COL22A1: variants seen among roughly 807,000 people sequenced by gnomAD.
COL22A1 encodes collagen alpha-1(XXII) chain.
In COL22A1, 221 loss-of-function variants were observed where a neutral mutation model predicts 248.9. The ratio of observed to expected loss-of-function variants is 0.89; its 90% CI spans 0.80 to 0.99. The LOEUF (loss-of-function observed/expected upper bound fraction) is 0.99, where lower values mean the gene tolerates loss of function less well. Among genes scored for constraint, COL22A1 ranks in the 50% least tolerant of loss-of-function variants. The pLI is 0.00. For missense variants in COL22A1, 2,240 were observed against 2,179.0 expected (o/e 1.03, Z -0.56); for synonymous variants, 891 against 793.4 (o/e 1.12, Z -2.07).
rs1816818512 is a variant in COL22A1 at position 138,589,097 on chromosome 8, G to C, written c.*156C>G. On this transcript the variant is annotated 3_prime_UTR_variant, in exon 65 of 65. Transcript: ENST00000303045. The stretch of plus-strand genomic sequence containing the variant: ...AGCGTCTGTTGGATTTAATAATTTT[G>C]AGGTCTCTCAAGAAAATAAAACAAA... The C allele has an allele frequency of 4.6e-6, 3 of 654,946 alleles. No homozygotes were observed. In the South Asian group the frequency reaches 5.6e-5, roughly 12 times the overall value. 40.6% of individuals were successfully genotyped at this position (654,946 alleles called of 1,614,324 possible). A position where few individuals can be genotyped will look rare whatever the true frequency, so the allele number is the denominator to read the frequency against.
intron 12 of COL22A1, among the ~76,000 whole-genome samples, chr8:138,786,200 G>A (rs1440753997): frequency 2.0e-5 from 3 of 152,214 alleles, no homozygotes; most frequent in Admixed American, 6.5e-5. Flanking sequence ...TGAGGTAGTA[G>A]AAGAAAGTCC....
At chr8:138,695,924 A>T (rs559037100) in intron 32 of COL22A1, among the ~76,000 whole-genome samples, 28 of 152,240 alleles carry the variant, frequency 1.8e-4, no homozygotes, top group African/African-American at 6.7e-4. Context: ...GTGTGGACAC[A>T]GTCTCAGCTT....
intron 41 of COL22A1, among the ~76,000 whole-genome samples, chr8:138,664,800 G>A (rs1468620896): frequency 2.6e-5 from 4 of 152,136 alleles, no homozygotes; most frequent in South Asian, 4.1e-4. Flanking sequence ...TTTAAAGCAC[G>A]AGGAGAACTT....
intron 30 of COL22A1, among the ~76,000 whole-genome samples, chr8:138,709,816 A>G (rs1205716741): frequency 1.3e-5 from 2 of 152,198 alleles, no homozygotes; most frequent in African/African-American, 2.4e-5. Flanking sequence ...TTTCTTATCC[A>G]TCTTCCTGTT....
intron 3 of COL22A1, among the ~76,000 whole-genome samples, chr8:138,871,470 C>A (rs1823339974): frequency 6.6e-6 from 1 of 152,314 alleles, no homozygotes; most frequent in Non-Finnish European, 1.5e-5. Flanking sequence ...ATCAAGGCAA[C>A]TTTTCTCTCC....
At chr8:138,760,373 C>CCTG (rs1833375549) in intron 17 of COL22A1, 86 bp from the exon 18 acceptor site, 2 of 1,269,940 alleles carry the variant, frequency 1.6e-6, no homozygotes, top group Non-Finnish European at 2.2e-6. Flanking sequence ...TGAAAGACAG[C>CCTG]TGCCCACTGT....
At chr8:138,734,298 A>G (rs1439013231) in intron 23 of COL22A1, among the ~76,000 whole-genome samples, 1 of 152,218 alleles carries the variant, frequency 6.6e-6, no homozygotes, top group Non-Finnish European at 1.5e-5. Flanking sequence ...TGGCCCATTA[A>G]TGTACGAATT....
intron 4 of COL22A1, among the ~76,000 whole-genome samples, chr8:138,838,942 G>A (rs1166062982): frequency 6.6e-6 from 1 of 152,100 alleles, no homozygotes; most frequent in Non-Finnish European, 1.5e-5. Context: ...AGCAAAGGTC[G>A]ACCTGGATGG....
intron 2 of COL22A1, 44 bp from the exon 3 acceptor site, chr8:138,878,360 G>A: frequency 2.1e-6 from 3 of 1,436,152 alleles, no homozygotes; most frequent in African/African-American, 1.4e-5. Flanking sequence ...AATGGGCATG[G>A]AAAGGACACT....
chr8:138,855,963 CTT>C (rs1481579044), intron 3 of COL22A1, among the ~76,000 whole-genome samples: 2 of 152,182 alleles, frequency 1.3e-5, no homozygotes, highest in East Asian at 3.9e-4. Context: ...CTCAGGCTGA[CTT>C]TGATTCTTCT....
chr8:138,607,950 G>A lies in COL22A1; in HGVS notation c.4018C>T (p.Pro1340Ser). The change falls in exon 57 of 65, where the codon CCT (proline) becomes TCT (serine). Residue 1340 changes from proline (P) to serine (S), a missense_variant. Transcript: ENST00000303045. The part of the protein sequence containing the change: ...GSPGSPGEPG[P>S]SGTPGQKGSK... ...AGAGAACTCACAGGGGTTCCTGAAG[G>A]GCCAGGCTCTCCTGGAGATCCCGGT... 6.2e-7 allele frequency: 1 copy of A among 1,614,018 alleles called. No homozygotes were observed. Among genetic ancestry groups the A allele is most frequent in the Non-Finnish European group, 8.5e-7 (1 of 1,179,948 alleles).
intron 37 of COL22A1, among the ~76,000 whole-genome samples, chr8:138,686,409 C>A (rs1464665953): frequency 2.0e-5 from 3 of 152,206 alleles, no homozygotes; most frequent in Non-Finnish European, 2.9e-5. Context: ...TGGGTGGAAG[C>A]TGCAATCACA....
intron 40 of COL22A1, among the ~76,000 whole-genome samples, chr8:138,677,353 C>G (rs150603470): frequency 2.0e-5 from 3 of 152,298 alleles, no homozygotes; most frequent in African/African-American, 7.2e-5. Context: ...TGGCACAGAG[C>G]CCAGCACAGC....
At chr8:138,779,824 C>T (rs1256062157) in intron 13 of COL22A1, among the ~76,000 whole-genome samples, 1 of 152,146 alleles carries the variant, frequency 6.6e-6, no homozygotes, top group African/African-American at 2.4e-5. Flanking sequence ...TGCAATGGCA[C>T]GATCATAGCT....
chr8:138,749,672 C>T (rs556744433), intron 22 of COL22A1, among the ~76,000 whole-genome samples: 28 of 152,254 alleles, frequency 1.8e-4, no homozygotes, highest in Non-Finnish European at 2.8e-4. Context: ...AGAAGTAAAC[C>T]GGCCTGGAGA....
chr8:138,687,223 C>T (rs998528787), intron 37 of COL22A1, among the ~76,000 whole-genome samples: 3 of 152,222 alleles, frequency 2.0e-5, no homozygotes, highest in Non-Finnish European at 4.4e-5. Flanking sequence ...TCCGAAAGTA[C>T]TGGGATTACA....
At chr8:138,619,659 T>A in intron 52 of COL22A1, 151 bp from the exon 53 acceptor site, 1 of 692,036 alleles carries the variant, frequency 1.4e-6, no homozygotes, top group Non-Finnish European at 2.6e-6. Context: ...TCCTTCTTAA[T>A]CTACACAAAT....
chr8:138,785,177 G>A (rs1235310054), intron 12 of COL22A1, among the ~76,000 whole-genome samples: 2 of 152,122 alleles, frequency 1.3e-5, no homozygotes, highest in Non-Finnish European at 2.9e-5. Context: ...CACCAGCCCT[G>A]CTCCCCTGGG....
chr8:138,771,839 C>CT (rs1476604014), intron 16 of COL22A1, among the ~76,000 whole-genome samples: 1 of 152,132 alleles, frequency 6.6e-6, no homozygotes, highest in Non-Finnish European at 1.5e-5. Flanking sequence ...CAGACCTGGC[C>CT]CCCCGGGGCC....
Sources: allele counts gnomAD v4.1 joint callset (sites outside exome capture counted in the v4.1 genomes callset), GRCh38; gene constraint gnomAD v4.1.1; transcripts MANE v1.5; gene names NCBI Gene and HGNC (gene_info 2026-07-23, HGNC 2026-07-21).